The following PRKCB variants were observed in gnomAD, a reference collection of about 807,000 sequenced individuals.
PRKCB encodes protein kinase C beta.
A neutral mutation model predicts 81.5 loss-of-function variants in PRKCB; 13 were observed. The ratio of observed to expected loss-of-function variants is 0.16; its 90% CI spans 0.10 to 0.25. PRKCB has a LOEUF of 0.25. Among genes scored for constraint, PRKCB ranks in the 10% least tolerant of loss-of-function variants. PRKCB has a pLI of 1.00. For missense variants in PRKCB, 509 were observed against 875.7 expected, an observed-to-expected ratio of 0.58 and a Z score of 5.29; for synonymous variants, 335 against 321.4, an observed-to-expected ratio of 1.04 and a Z score of -0.45.
chr16:23,877,824 ACTT>A (rs1963040681), intron 2 of PRKCB, among the ~76,000 whole-genome samples: 1 of 149,454 alleles, frequency 6.7e-6, no homozygotes, highest in African/African-American at 2.5e-5. Context: ...AGGTGCAGTC[ACTT>A]CTTTTTTTTT....
chr16:23,839,390 C>T (rs1299165572), intron 2 of PRKCB, among the ~76,000 whole-genome samples: 1 of 151,350 alleles, frequency 6.6e-6, no homozygotes, highest in African/African-American at 2.4e-5. Flanking sequence ...CCTCCTGCAT[C>T]AGCCTCCTGA....
rs939694069 is a variant in PRKCB, at chr16:24,215,756, C to G, written c.*940C>G. ...ACCTGCTTTGATTTAACCAAGAAGA[C>G]GGCTGCGGAGCCTAGCAGACTCAGG... On this transcript the variant is annotated 3_prime_UTR_variant, in exon 17 of 17. Transcript: ENST00000643927. 1.8e-5 allele frequency: 18 copies of G among 985,614 alleles called. No individual in the cohort carries two copies. Among genetic ancestry groups the G allele is most frequent in the Admixed American group, 1.2e-4 (2 of 16,258 alleles). 61.1% of individuals were successfully genotyped at this position (985,614 alleles called of 1,614,324 possible). A position where few individuals can be genotyped will look rare whatever the true frequency, so the allele number is the denominator to read the frequency against.
chr16:24,003,322 G>A (rs118184644), intron 3 of PRKCB, among the ~76,000 whole-genome samples: 236 of 151,606 alleles, frequency 1.6e-3, no homozygotes, highest in Middle Eastern at 3.5e-3. Flanking sequence ...TGCAAACATC[G>A]TTACAGTTGA....
At position 24,161,422 on chromosome 16, in the gene PRKCB, A is replaced by G. The variant is rs138187155; in HGVS notation, c.1239+6565A>G. Among the ~76,000 whole-genome samples the G allele has an allele frequency of 2.1e-3, 317 of 152,320 alleles. 3 individuals are homozygous for G. The highest frequency in any genetic ancestry group is 0.018 in the Admixed American group (274 of 15,310). ...GAAGGGGGCATAAACAAATCAAAATATTGATTTGATTTAGGGAGGGGTCTG... is the reference window on the plus strand; with the variant it reads ...GAAGGGGGCATAAACAAATCAAAATGTTGATTTGATTTAGGGAGGGGTCTG... On this transcript the variant is annotated intron_variant, in intron 10 of 16. Transcript: ENST00000643927.
At chr16:23,933,162 A>C (rs3785392) in intron 2 of PRKCB, among the ~76,000 whole-genome samples, 31 of 152,112 alleles carry the variant, frequency 2.0e-4, no homozygotes, top group Admixed American at 3.9e-4. Flanking sequence ...GGAAGTGGGC[A>C]CTGGACCCAG....
intron 2 of PRKCB, among the ~76,000 whole-genome samples, chr16:23,908,233 G>A (rs1963593083): frequency 6.6e-6 from 1 of 152,104 alleles, no homozygotes; most frequent in Non-Finnish European, 1.5e-5. Context: ...CAGTGCTGCA[G>A]AGGGAAAAAG....
intron 2 of PRKCB, chr16:23,963,009 T>G (rs943263162): frequency 6.6e-6 from 1 of 152,252 alleles, no homozygotes; most frequent in African/African-American, 2.4e-5. Context: ...GGTTTTCCAG[T>G]CCTGAGTTAC....
chr16:23,929,350 C>T (rs978936838), intron 2 of PRKCB, among the ~76,000 whole-genome samples: 1 of 152,066 alleles, frequency 6.6e-6, no homozygotes, highest in Non-Finnish European at 1.5e-5. Context: ...ACTGGCTAAA[C>T]GCATGAACTC....
chr16:23,836,284 C>T lies in PRKCB; in HGVS notation c.109C>T (p.His37Tyr). ...RQKNVHEVKN[H>Y]KFTARFFKQP... ...GAAGAACGTGCATGAGGTCAAGAAC[C>T]ACAAATTCACCGCCCGCTTCTTCAA... The change falls in exon 1 of 17, where the codon CAC becomes TAC. Residue 37 changes from histidine (H) to tyrosine (Y), a missense_variant. By Grantham distance (83) the His-to-Tyr change is moderately conservative (BLOSUM62 2). Transcript: ENST00000643927. 6.2e-7 allele frequency: 1 copy of T among 1,605,868 alleles called. No homozygotes were observed. The highest frequency in any genetic ancestry group is 8.5e-7 in the Non-Finnish European group (1 of 1,176,442).
chr16:24,067,919 G>C (rs980006550), intron 5 of PRKCB, among the ~76,000 whole-genome samples: 1 of 150,504 alleles, frequency 6.6e-6, no homozygotes, highest in African/African-American at 2.5e-5. Context: ...GTGAGCCTGG[G>C]TGACAGAGCG....
intron 7 of PRKCB, chr16:24,111,451 C>G (rs1313790378): frequency 1.3e-5 from 2 of 151,858 alleles, no homozygotes; most frequent in African/African-American, 2.4e-5. Flanking sequence ...ATGAAAAAAT[C>G]TTTGTGGTCA....
chr16:23,876,155 C>T lies in PRKCB; in HGVS notation c.205+38749C>T, dbSNP rs79806387. On this transcript the variant is annotated intron_variant, in intron 2 of 16. Coordinates refer to ENST00000643927, the MANE Select transcript of PRKCB (RefSeq NM_002738.7). Reference sequence around the variant, plus strand: ...CCCTGTCTATGTGCTCTGCACAATGCGAGGTGTGGGATATAATGGTGACCA... The same window carrying T: ...CCCTGTCTATGTGCTCTGCACAATGTGAGGTGTGGGATATAATGGTGACCA... 1.8e-4 allele frequency among the ~76,000 whole-genome samples: 28 copies of T among 152,348 alleles called. No individual in the cohort carries two copies. In the East Asian group the frequency reaches 3.1e-3, roughly 17 times the overall value.
chr16:24,111,124 C>G (rs1216057030), intron 7 of PRKCB: 1 of 152,152 alleles, frequency 6.6e-6, no homozygotes, highest in Non-Finnish European at 1.5e-5. Flanking sequence ...CGATTTCCAG[C>G]AAAGATACAG....
rs147975795 is a variant in PRKCB, at chr16:24,113,044, A to G, written c.893A>G (p.Asn298Ser). Residue 298 changes from asparagine (N) to serine (S), a missense_variant, in exon 8 of 17, where the codon AAT becomes AGT. Coordinates refer to ENST00000643927, the MANE Select transcript of PRKCB (RefSeq NM_002738.7). ...VPVPPEGSEA[N>S]EELRQKFERA... is the part of the protein sequence containing the mutation. ...GTGCCACCAGAAGGAAGTGAGGCCA[A>G]TGAAGAACTGCGGCAGAAATTTGAG... is the stretch of plus-strand genomic sequence containing the variant. 1,513 of 1,612,696 alleles carry G rather than the reference A, an allele frequency of 9.4e-4. 1 individual carries two copies. The highest frequency in any genetic ancestry group is 1.1e-3 in the Non-Finnish European group (1,351 of 1,179,302).
At chr16:24,190,905 T>C (rs1187382268) in intron 15 of PRKCB, among the ~76,000 whole-genome samples, 185 bp from the exon 16 acceptor site, 1 of 152,186 alleles carries the variant, frequency 6.6e-6, no homozygotes, top group Non-Finnish European at 1.5e-5. Context: ...TGGGTCCTAT[T>C]ATCAGGTCCT....
intron 5 of PRKCB, among the ~76,000 whole-genome samples, chr16:24,054,366 T>C (rs551411660): frequency 3.3e-5 from 5 of 152,372 alleles, no homozygotes; most frequent in Non-Finnish European, 7.3e-5. Context: ...CATTTTTATA[T>C]GCATGATATC....
At position 23,912,507 on chromosome 16, in the gene PRKCB, C is replaced by CTTTTTTTTTTTTTTTTTTTTT. The variant is rs1210105406; in HGVS notation, c.205+75104_205+75124dup. Among the ~76,000 whole-genome samples the CTTTTTTTTTTTTTTTTTTTTT allele has an allele frequency of 4.2e-4, 30 of 72,084 alleles. 2 individuals are homozygous for CTTTTTTTTTTTTTTTTTTTTT. Among genetic ancestry groups the CTTTTTTTTTTTTTTTTTTTTT allele is most frequent in the South Asian group, 6.2e-4 (1 of 1,616 alleles). The allele number at this position is 72,084 out of a possible 152,430, so 47.3% of individuals were successfully genotyped here. ...TCTTCTTTTCCTTTCTTTCTTTCTT[C>CTTTTTTTTTTTTTTTTTTTTT]TTTTTTTTTTTTTTTTTTTTTTTGA... On this transcript the variant is annotated intron_variant, in intron 2 of 16. Coordinates refer to ENST00000643927, the MANE Select transcript of PRKCB (RefSeq NM_002738.7).
rs1968203753 is a variant in PRKCB, at chr16:24,215,059, C to T, written c.*243C>T. 6 of 1,259,250 alleles carry T rather than the reference C, an allele frequency of 4.8e-6. No homozygotes were observed. Among genetic ancestry groups the T allele is most frequent in the South Asian group, 2.2e-5 (1 of 45,562 alleles). The allele number at this position is 1,259,250 out of a possible 1,614,324, so 78.0% of individuals were successfully genotyped here. A position where few individuals can be genotyped will look rare whatever the true frequency, so the allele number is the denominator to read the frequency against. ...TTAACACATTATCAAAGTCCTCTTA[C>T]AATTTATTTTCCGCAGCATGTCAGC... On this transcript the variant is annotated 3_prime_UTR_variant, in exon 17 of 17. Coordinates refer to ENST00000643927, the MANE Select transcript of PRKCB (RefSeq NM_002738.7).
rs3729888 is a variant in PRKCB at position 23,988,607 on chromosome 16, G to A, written c.288+17G>A. On this transcript the variant is annotated intron_variant, in intron 3 of 16. Transcript: ENST00000643927. ...GCCTCCGATGTAAGTAATGGGCATC[G>A]ATTGCTTTTCTCTGTCCACAGTCAA... is the stretch of plus-strand genomic sequence containing the variant. 1.8e-4 allele frequency: 285 copies of A among 1,609,288 alleles called. 1 individual carries two copies. The African/African-American group carries it at 3.3e-3, about 19-fold the overall frequency.
Sources: allele counts gnomAD v4.1 joint callset (sites outside exome capture counted in the v4.1 genomes callset), GRCh38; gene constraint gnomAD v4.1.1; transcripts MANE v1.5; gene names NCBI Gene and HGNC (gene_info 2026-07-23, HGNC 2026-07-21).